The following CGGBP1 variants were observed in gnomAD, a reference collection of about 807,000 sequenced individuals.
CGGBP1 encodes CGG triplet repeat binding protein 1, also known as CGG triplet repeat-binding protein 1.
A neutral mutation model predicts 11.4 loss-of-function variants in CGGBP1; 4 were observed. The observed-to-expected ratio is 0.35, with a 90% CI of 0.17 to 0.80. The LOEUF (loss-of-function observed/expected upper bound fraction) is 0.80. Among genes scored for constraint, CGGBP1 ranks in the 30% least tolerant of loss-of-function variants. The pLI, the probability that CGGBP1 is intolerant of heterozygous loss-of-function variation, is 0.52. For missense variants in CGGBP1, 135 were observed against 202.1 expected (o/e 0.67, Z 2.01); for synonymous variants, 76 against 74.1 (o/e 1.03, Z -0.13).
At chr3:88,134,769 A>T (rs1706672371) in intron 2 of CGGBP1, among the ~76,000 whole-genome samples, 1 of 152,104 alleles carries the variant, frequency 6.6e-6, no homozygotes, top group African/African-American at 2.4e-5. Flanking sequence ...CAGTATTGGC[A>T]CATTAGGATT....
At chr3:88,110,961 G>GTAA (rs1705053978) in intron 2 of CGGBP1, among the ~76,000 whole-genome samples, 1 of 151,962 alleles carries the variant, frequency 6.6e-6, no homozygotes, top group African/African-American at 2.4e-5. Context: ...TGTTATTTAG[G>GTAA]TAACTGGTAG....
intron 2 of CGGBP1, among the ~76,000 whole-genome samples, chr3:88,076,134 A>G (rs1707790137): frequency 6.6e-6 from 1 of 152,184 alleles, no homozygotes; most frequent in South Asian, 2.1e-4. Context: ...TAATTTATCA[A>G]ATCTGTACAG....
chr3:88,113,263 T>A (rs1576304983), intron 2 of CGGBP1: 1 of 950,764 alleles, frequency 1.1e-6, no homozygotes, highest in Non-Finnish European at 1.6e-6. Context: ...TCCCCCTAAA[T>A]ATAGCTTATT....
At chr3:88,135,788 T>C (rs1706744724) in intron 2 of CGGBP1, among the ~76,000 whole-genome samples, 2 of 152,132 alleles carry the variant, frequency 1.3e-5, no homozygotes, top group African/African-American at 4.8e-5. Flanking sequence ...TGCAGATCTT[T>C]TAGTTTTTCC....
At chr3:88,139,821 A>T (rs1247435511) in intron 2 of CGGBP1, 6 of 1,565,248 alleles carry the variant, frequency 3.8e-6, no homozygotes, top group South Asian at 3.5e-5. Context: ...TTATGACCTG[A>T]ATCAAGAAAC....
In CGGBP1 at chr3:88,088,129, T is replaced by A. The variant is rs140012091; in HGVS notation, c.-228-29906A>T. Among the ~76,000 whole-genome samples the A allele has an allele frequency of 5.0e-4, 76 of 152,354 alleles. No individual in the cohort carries two copies. The East Asian group carries it at 0.012, about 24-fold the overall frequency. On this transcript the variant is annotated intron_variant, in intron 2 of 3. Coordinates refer to the CGGBP1 transcript ENST00000462901. ...TATAAATTAAATAACCTTGGAGCAA[T>A]GACCTTTGCATTCTGGCATTTACAG... is the stretch of plus-strand genomic sequence containing the variant.
At chr3:88,070,412 T>G (rs1470991262) in intron 2 of CGGBP1, among the ~76,000 whole-genome samples, 2 of 152,102 alleles carry the variant, frequency 1.3e-5, no homozygotes, top group Non-Finnish European at 2.9e-5. Flanking sequence ...ATTTTCTTGG[T>G]GAGCAGATCC....
upstream of CGGBP1, among the ~76,000 whole-genome samples, chr3:88,062,141 C>G (rs1489401148): frequency 2.0e-5 from 3 of 152,146 alleles, no homozygotes; most frequent in Non-Finnish European, 4.4e-5. Context: ...TCAATAAATG[C>G]TTAAATAAAA....
intron 2 of CGGBP1, chr3:88,129,711 A>G (rs1350636022): frequency 6.6e-7 from 1 of 1,506,834 alleles, no homozygotes; most frequent in Admixed American, 2.0e-5. Context: ...TGATTGTAAG[A>G]GTGGAATTGA....
chr3:88,088,752 GTA>G (rs1559701584), intron 2 of CGGBP1, among the ~76,000 whole-genome samples: 1 of 127,038 alleles, frequency 7.9e-6, no homozygotes, highest in Non-Finnish European at 1.8e-5. Context: ...ATTTATGTAT[GTA>G]TGTATGTATG....
intron 1 of CGGBP1, among the ~76,000 whole-genome samples, chr3:88,145,079 C>A (rs1204674208): frequency 4.7e-5 from 7 of 150,304 alleles, no homozygotes; most frequent in Non-Finnish European, 8.9e-5. Context: ...AAAACAAAGA[C>A]TGAAATCATT....
chr3:88,074,072 A>G (rs1391683742), intron 2 of CGGBP1, among the ~76,000 whole-genome samples: 1 of 152,180 alleles, frequency 6.6e-6, no homozygotes, highest in Admixed American at 6.5e-5. Context: ...GTCCACAAAA[A>G]TAAGAATCTA....
chr3:88,124,472 T>C lies in CGGBP1; in HGVS notation c.-229+16498A>G, dbSNP rs571636418. Among the ~76,000 whole-genome samples, 116 of 152,326 alleles carry C rather than the reference T, an allele frequency of 7.6e-4. 2 individuals carry two copies. Among genetic ancestry groups the C allele is most frequent in the Middle Eastern group, 6.8e-3 (2 of 294 alleles). ...TTTCTTCTACTACTTTCTTCTCTCATAAAACAAGTAAAACCTCTTTTGTAT... is the reference window on the plus strand; with the variant it reads ...TTTCTTCTACTACTTTCTTCTCTCACAAAACAAGTAAAACCTCTTTTGTAT... On this transcript the variant is annotated intron_variant, in intron 2 of 3. Transcript: ENST00000462901.
chr3:88,138,968 T>G, intron 2 of CGGBP1: 2 of 1,246,150 alleles, frequency 1.6e-6, no homozygotes, highest in Non-Finnish European at 2.0e-6. Flanking sequence ...AAAATCGTGT[T>G]CGTTTTGAAT....
intron 2 of CGGBP1, among the ~76,000 whole-genome samples, chr3:88,081,537 CATTT>C (rs1394581583): frequency 6.6e-6 from 1 of 152,146 alleles, no homozygotes; most frequent in Non-Finnish European, 1.5e-5. Flanking sequence ...TCATTGCTAA[CATTT>C]ATTTAATTAT....
At chr3:88,089,085 T>G (rs2107672163) in intron 2 of CGGBP1, among the ~76,000 whole-genome samples, 1 of 151,660 alleles carries the variant, frequency 6.6e-6, no homozygotes, top group Admixed American at 6.6e-5. Flanking sequence ...AAAAAAACTG[T>G]ATTAAAAAAA....
At chr3:88,143,405 CT>C (rs1707219522) in intron 1 of CGGBP1, 2 of 151,970 alleles carry the variant, frequency 1.3e-5, no homozygotes, top group South Asian at 4.2e-4. Context: ...TTAAGGTCAG[CT>C]AAAAAAAATG....
intron 2 of CGGBP1, among the ~76,000 whole-genome samples, chr3:88,127,286 G>C (rs965535014): frequency 9.2e-5 from 14 of 152,016 alleles, no homozygotes; most frequent in Non-Finnish European, 4.4e-5. Context: ...AAGGGGTTAG[G>C]GTGGGTTGTG....
At chr3:88,104,939 G>C (rs1242946621) in intron 2 of CGGBP1, among the ~76,000 whole-genome samples, 2 of 152,222 alleles carry the variant, frequency 1.3e-5, no homozygotes, top group Non-Finnish European at 2.9e-5. Flanking sequence ...GGAAGTTTGA[G>C]ACCAGCCTGG....
Sources: gnomAD v4.1 joint callset for allele counts (sites outside exome capture counted in the v4.1 genomes callset) on GRCh38, gnomAD v4.1.1 for gene constraint, MANE v1.5 for transcripts, NCBI Gene and HGNC (gene_info 2026-07-23, HGNC 2026-07-21) for gene names.